Variants in PLCXD1 observed in about 807,000 individuals in gnomAD.
The protein encoded by PLCXD1 is phosphatidylinositol specific phospholipase C X domain containing 1.
A neutral mutation model predicts 37.8 loss-of-function variants in PLCXD1; 45 were observed. The observed-to-expected ratio is 1.19, with a 90% confidence interval of 0.94 to 1.53. PLCXD1 has a LOEUF of 1.53. Ranked by LOEUF, PLCXD1 falls within the 40% of genes most tolerant of loss-of-function variation. PLCXD1 has a pLI of 0.00. For missense variants in PLCXD1, 539 were observed against 454.7 expected (o/e 1.19, Z -1.69); for synonymous variants, 246 against 206.9 (o/e 1.19, Z -1.62).
chrX:277,108 C>G (rs965698140), upstream of PLCXD1, among the ~76,000 whole-genome samples: 1 of 152,092 alleles, frequency 6.6e-6, no homozygotes, highest in Admixed American at 6.5e-5. Flanking sequence ...GCCGTCCGGA[C>G]GAGATGGCAG....
chrX:291,170 G>A (rs2069622559), intron 4 of PLCXD1, among the ~76,000 whole-genome samples: 2 of 150,986 alleles, frequency 1.3e-5, no homozygotes, highest in Admixed American at 6.6e-5. Context: ...TTTGGAGATG[G>A]AGTCTTGCTG....
chrX:276,587 C>T (rs925580339), upstream of PLCXD1, among the ~76,000 whole-genome samples: 4 of 152,102 alleles, frequency 2.6e-5, no homozygotes, highest in African/African-American at 9.7e-5. Flanking sequence ...GGATCTGTGG[C>T]CTGGACGTTG....
At chrX:278,611 C>T (rs1224815293), upstream of PLCXD1, among the ~76,000 whole-genome samples, 4 of 151,682 alleles carry the variant, frequency 2.6e-5, no homozygotes, top group Non-Finnish European at 4.4e-5. Context: ...TGGTGGTGGG[C>T]GCCTGTAGTC....
chrX:287,172 T>TAC (rs57997104), intron 2 of PLCXD1, among the ~76,000 whole-genome samples: 2 of 150,336 alleles, frequency 1.3e-5, no homozygotes, highest in Admixed American at 1.3e-4. Flanking sequence ...AATATGTATA[T>TAC]ACACACACAC....
chrX:282,867 A>G (rs1163976075), intron 1 of PLCXD1, among the ~76,000 whole-genome samples: 1 of 143,550 alleles, frequency 7.0e-6, no homozygotes, highest in Non-Finnish European at 1.5e-5. Context: ...TGATGTATAT[A>G]TGTATATATG....
chrX:293,098 G>C lies in PLCXD1; in HGVS notation c.613G>C (p.Glu205Gln), dbSNP rs201625999. 13 of 1,611,992 alleles carry C rather than the reference G, an allele frequency of 8.1e-6. No individual in the cohort carries two copies. In the South Asian group the frequency reaches 1.2e-4, roughly 15 times the overall value. ...ACAGGTCATCGTCTCCTATGAAGAC[G>C]AGAGCTCCTTGCGCCGGCACCACGA... is the stretch of plus-strand genomic sequence containing the variant. ...GQQVIVSYED[E>Q]SSLRRHHELW... is the part of the protein sequence containing the mutation. The change falls in exon 6 of 7, where the codon GAG (glutamate) becomes CAG (glutamine). Residue 205 changes from glutamate (E) to glutamine (Q), a missense_variant. Coordinates refer to ENST00000381657, the MANE Select transcript of PLCXD1 (RefSeq NM_018390.4).
At chrX:290,849 G>A in intron 4 of PLCXD1, 73 bp downstream of exon 4, 1 of 1,248,996 alleles carries the variant, frequency 8.0e-7, no homozygotes, top group South Asian at 1.4e-5. Flanking sequence ...GTGCGGCCGG[G>A]CTGAGGTGGG....
chrX:285,708 CAG>C (rs1404709831), intron 2 of PLCXD1, among the ~76,000 whole-genome samples: 22 of 152,154 alleles, frequency 1.4e-4, no homozygotes, highest in Admixed American at 3.3e-4. Context: ...TGTTTAAACA[CAG>C]GCACACACAT....
chrX:290,725 G>T lies in PLCXD1; in HGVS notation c.342G>T (p.Ser114=). ...GGATAGCCCACATGCTGGAGGGCTC[G>T]GAGAAGAACCTGCACTTTGTCCATA... ...DLRIAHMLEG[S]EKNLHFVHMV... Residue 114 remains serine, a synonymous_variant, in exon 4 of 7, where the codon TCG becomes TCT. Transcript: ENST00000381657. 6.2e-7 allele frequency: 1 copy of T among 1,613,816 alleles called. No individual in the cohort carries two copies. Among genetic ancestry groups the T allele is most frequent in the Non-Finnish European group, 8.5e-7 (1 of 1,179,798 alleles).
chrX:291,642 G>A lies in PLCXD1; in HGVS notation c.537G>A (p.Leu179=). The part of the protein sequence containing the change: ...ACIKNIFGDM[L]CPRGEVPTLR... ...TCAAGAACATCTTCGGGGACATGCT[G>A]TGTCCTCGTGGGGTGAGGAGGGGAA... The change falls in exon 5 of 7, where the codon CTG becomes CTA. Residue 179 remains leucine, a synonymous_variant. Transcript: ENST00000381657. 1 of 1,612,534 alleles carries A rather than the reference G, an allele frequency of 6.2e-7. No individual in the cohort carries two copies. The highest frequency in any genetic ancestry group is 8.5e-7 in the Non-Finnish European group (1 of 1,179,776).
chrX:292,557 C>T (rs1207895403), intron 5 of PLCXD1, among the ~76,000 whole-genome samples: 7 of 152,160 alleles, frequency 4.6e-5, no homozygotes, highest in African/African-American at 1.2e-4. Flanking sequence ...ATCCTCCCGC[C>T]GTGTCCTCCC....
upstream of PLCXD1, among the ~76,000 whole-genome samples, chrX:278,986 G>A (rs1265824084): frequency 1.3e-5 from 2 of 152,188 alleles, no homozygotes; most frequent in African/African-American, 4.8e-5. Flanking sequence ...TTGGGTGCAA[G>A]TGGGCTGAGT....
chrX:291,662 G>A lies in PLCXD1; in HGVS notation c.549+8G>A, dbSNP rs760695396. On this transcript the variant is annotated splice_region_variant and intron_variant, in intron 5 of 6. Coordinates refer to ENST00000381657, the MANE Select transcript of PLCXD1 (RefSeq NM_018390.4). ...ATGCTGTGTCCTCGTGGGGTGAGGA[G>A]GGGAAGGATATCCGCACGTCTCTCC... is the stretch of plus-strand genomic sequence containing the variant. 1 of 1,612,108 alleles carries A rather than the reference G, an allele frequency of 6.2e-7. No individual in the cohort carries two copies. Among genetic ancestry groups the A allele is most frequent in the South Asian group, 1.1e-5 (1 of 90,996 alleles).
At chrX:294,114 AT>A (rs2069723588) in intron 6 of PLCXD1, among the ~76,000 whole-genome samples, 1 of 150,304 alleles carries the variant, frequency 6.7e-6, no homozygotes, top group African/African-American at 2.4e-5. Flanking sequence ...AGGTGGGTGG[AT>A]CACCTGAGGT....
chrX:288,947 C>T, intron 3 of PLCXD1, 78 bp downstream of exon 3: 1 of 1,423,636 alleles, frequency 7.0e-7, no homozygotes, highest in Non-Finnish European at 9.9e-7. Context: ...TGAAATGGCC[C>T]CTCACCCAGG....
intron 1 of PLCXD1, among the ~76,000 whole-genome samples, chrX:282,330 C>T (rs985351867): frequency 6.8e-6 from 1 of 148,050 alleles, no homozygotes; most frequent in Non-Finnish European, 1.5e-5. Flanking sequence ...TGCAGTGAGC[C>T]GAGATTGCAT....
rs2069275833 is a variant in PLCXD1, at chrX:281,476, C to G, written c.-230C>G. On this transcript the variant is annotated 5_prime_UTR_variant, in exon 1 of 7. It adds an upstream start codon to the 5' untranslated region. Transcript: ENST00000381657. ...GGGAAGATGTAAATAAGAACAAAAT[C>G]TGCAGCCACCTGGGAAGCCTGGCCT... The G allele has an allele frequency of 6.6e-6, 1 of 152,394 alleles. No homozygotes were observed. The highest frequency in any genetic ancestry group is 2.4e-5 in the African/African-American group (1 of 41,300). 9.4% of individuals were successfully genotyped at this position (152,394 alleles called of 1,614,324 possible).
In PLCXD1 at chrX:287,601, TATATAG is replaced by T. The variant is rs1190486818; in HGVS notation, c.128-1122_128-1117del. Among the ~76,000 whole-genome samples the T allele has an allele frequency of 1.6e-3, 129 of 81,944 alleles. 45 individuals carry two copies. Among genetic ancestry groups the T allele is most frequent in the Non-Finnish European group, 2.5e-3 (99 of 40,108 alleles). 53.8% of individuals were successfully genotyped at this position (81,944 alleles called of 152,430 possible). On this transcript the variant is annotated intron_variant, in intron 2 of 6. Coordinates refer to ENST00000381657, the MANE Select transcript of PLCXD1 (RefSeq NM_018390.4). The stretch of plus-strand genomic sequence containing the variant: ...TAGATATAGATACTATATATGTTTA[TATATAG>T]ATATAGATACTATATATGTTTATAT...
chrX:293,154 A>G lies in PLCXD1; in HGVS notation c.669A>G (p.Gly223=). Reference sequence around the variant, plus strand: ...GGCCAGGAGTCCCCTACTGGTGGGGAAACAGGGTGAAGACCGAGGCCCTCA... The same window carrying G: ...GGCCAGGAGTCCCCTACTGGTGGGGGAACAGGGTGAAGACCGAGGCCCTCA... The part of the protein sequence containing the change: ...ELWPGVPYWW[G]NRVKTEALIR... The change falls in exon 6 of 7, where the codon GGA becomes GGG. Residue 223 remains glycine, a synonymous_variant. Coordinates refer to ENST00000381657, the MANE Select transcript of PLCXD1 (RefSeq NM_018390.4). 2 of 1,612,732 alleles carry G rather than the reference A, an allele frequency of 1.2e-6. No homozygotes were observed. Among genetic ancestry groups the G allele is most frequent in the Non-Finnish European group, 1.7e-6 (2 of 1,179,774 alleles).
Sources: gnomAD v4.1 joint callset for allele counts (sites outside exome capture counted in the v4.1 genomes callset) on GRCh38, gnomAD v4.1.1 for gene constraint, MANE v1.5 for transcripts, NCBI Gene and HGNC (gene_info 2026-07-23, HGNC 2026-07-21) for gene names.